Variants in PFKFB3 observed in about 807,000 individuals in gnomAD.
PFKFB3 encodes the protein 6-phosphofructo-2-kinase/fructose-2,6-biphosphatase 3, also known as 6-phosphofructo-2-kinase/fructose-2,6-bisphosphatase 3.
Under a neutral mutation model 68.0 loss-of-function variants are expected in PFKFB3, and 33 were observed. That is an observed-to-expected ratio of 0.49 (90% CI 0.37 to 0.65). The LOEUF (loss-of-function observed/expected upper bound fraction) is 0.65, where lower values mean the gene tolerates loss of function less well. Among genes scored for constraint, PFKFB3 ranks in the 30% least tolerant of loss-of-function variants. The pLI is 0.00. For missense variants in PFKFB3, 586 were observed against 712.2 expected, an observed-to-expected ratio of 0.82 and a Z score of 2.02; for synonymous variants, 315 against 288.2, an observed-to-expected ratio of 1.09 and a Z score of -0.94.
At chr10:6,249,450 C>G (rs1450423152) in intron 14 of PFKFB3, among the ~76,000 whole-genome samples, 1 of 152,064 alleles carries the variant, frequency 6.6e-6, no homozygotes, top group African/African-American at 2.4e-5. Flanking sequence ...CATAAGTGTT[C>G]AGCAACATAT....
At chr10:6,319,647 A>C in the PFKFB3 span, among the ~76,000 whole-genome samples, 4 of 150,450 alleles carry the variant, frequency 2.7e-5, no homozygotes, top group Admixed American at 2.0e-4. Flanking sequence ...AAATAATTGT[A>C]AAAATTATTT....
rs193060088 is a variant in PFKFB3 at position 6,158,616 on chromosome 10, A to G, written c.16+13603A>G. On this transcript the variant is annotated intron_variant, in intron 1 of 14. Transcript: ENST00000379789. Reference sequence around the variant, plus strand: ...TGCGGTAGCTCACGCCTGTAATCCTAGCACTTTGGGAGGCCTAGGCAGGCG... The same window carrying G: ...TGCGGTAGCTCACGCCTGTAATCCTGGCACTTTGGGAGGCCTAGGCAGGCG... Among the ~76,000 whole-genome samples the G allele has an allele frequency of 2.9e-4, 44 of 152,290 alleles. No individual in the cohort carries two copies. In the East Asian group the frequency reaches 5.0e-3, roughly 17 times the overall value.
chr10:6,319,068 A>C, the PFKFB3 span, among the ~76,000 whole-genome samples: 1 of 152,358 alleles, frequency 6.6e-6, no homozygotes, highest in South Asian at 2.1e-4. Context: ...ATATTCTAAA[A>C]GTGCCTTATC....
At chr10:6,166,180 C>G (rs1842133082) in intron 1 of PFKFB3, among the ~76,000 whole-genome samples, 1 of 152,112 alleles carries the variant, frequency 6.6e-6, no homozygotes, top group African/African-American at 2.4e-5. Flanking sequence ...TAGGCTTTCT[C>G]CATGTTGGCC....
intron 1 of PFKFB3, among the ~76,000 whole-genome samples, chr10:6,189,211 G>A (rs1564607786): frequency 6.6e-6 from 1 of 152,124 alleles, no homozygotes; most frequent in Admixed American, 6.5e-5. Context: ...TCCATCTGTC[G>A]ATGGACACTT....
the PFKFB3 span, among the ~76,000 whole-genome samples, chr10:6,301,417 A>G: frequency 3.9e-4 from 60 of 152,310 alleles, no homozygotes; most frequent in African/African-American, 1.4e-3. Context: ...AGATCATTTG[A>G]GATACATCCT....
chr10:6,290,455 G>T, the PFKFB3 span, among the ~76,000 whole-genome samples: 1 of 151,546 alleles, frequency 6.6e-6, no homozygotes. Context: ...TGCATCTATT[G>T]AGATAATCTT....
At chr10:6,311,141 C>CA in the PFKFB3 span, among the ~76,000 whole-genome samples, 3 of 152,218 alleles carry the variant, frequency 2.0e-5, no homozygotes, top group South Asian at 4.1e-4. Context: ...TGTGGTTTCA[C>CA]AGCCTCTCCA....
the PFKFB3 span, among the ~76,000 whole-genome samples, chr10:6,317,891 G>T: frequency 2.6e-5 from 4 of 152,204 alleles, no homozygotes; most frequent in African/African-American, 4.8e-5. Context: ...ATTCTCAGTA[G>T]CCAGTGATTT....
rs35266127 is a variant in PFKFB3 at position 6,165,978 on chromosome 10, C to CTTT, written c.16+20982_16+20984dup. On this transcript the variant is annotated intron_variant, in intron 1 of 14. Coordinates refer to the PFKFB3 transcript ENST00000379789. ...TACAGGCGTGGATCACCAGGCTCAACTTTTTTTTTTTTTTTTTTTGAGACG... is the reference window on the plus strand; with the variant it reads ...TACAGGCGTGGATCACCAGGCTCAACTTTTTTTTTTTTTTTTTTTTTTGAGACG... Among the ~76,000 whole-genome samples the CTTT allele has an allele frequency of 7.2e-5, 9 of 124,886 alleles. 1 individual carries two copies. The highest frequency in any genetic ancestry group is 9.3e-5 in the African/African-American group (3 of 32,160). The allele number at this position is 124,886 out of a possible 152,430, so 81.9% of individuals were successfully genotyped here. A position where few individuals can be genotyped will look rare whatever the true frequency, so the allele number is the denominator to read the frequency against.
At chr10:6,299,743 T>A in the PFKFB3 span, among the ~76,000 whole-genome samples, 1 of 152,188 alleles carries the variant, frequency 6.6e-6, no homozygotes, top group Non-Finnish European at 1.5e-5. Context: ...GCTCCCTGGC[T>A]AACTTCTACC....
the PFKFB3 span, among the ~76,000 whole-genome samples, chr10:6,283,758 G>A: frequency 2.0e-5 from 3 of 152,138 alleles, no homozygotes; most frequent in Admixed American, 6.5e-5. Context: ...TGAACCAATC[G>A]TGCAACCACG....
chr10:6,231,113 G>C (rs1327063757), intron 14 of PFKFB3: 1 of 669,196 alleles, frequency 1.5e-6, no homozygotes, highest in Non-Finnish European at 2.7e-6. Flanking sequence ...GGGCTGTGCC[G>C]GCTGCTTGGG....
upstream of PFKFB3, among the ~76,000 whole-genome samples, chr10:6,199,959 G>A (rs1843281668): frequency 6.6e-6 from 1 of 151,750 alleles, no homozygotes; most frequent in Admixed American, 6.6e-5. Flanking sequence ...CTGGGGTTAG[G>A]GTGGCCCTAT....
At chr10:6,222,688 TGTGGCTGA>T in intron 10 of PFKFB3, 159 bp from the exon 11 acceptor site, 2 of 651,510 alleles carry the variant, frequency 3.1e-6, no homozygotes, top group Non-Finnish European at 4.8e-6. Context: ...TCACTCTTTT[TGTGGCTGA>T]GCAATAGTCC....
At chr10:6,263,999 C>T in the PFKFB3 span, among the ~76,000 whole-genome samples, 5 of 152,274 alleles carry the variant, frequency 3.3e-5, no homozygotes, top group East Asian at 1.9e-4. Context: ...GTTATCTTCT[C>T]GAGAAGCCTT....
chr10:6,158,809 G>T (rs1357720248), intron 1 of PFKFB3, among the ~76,000 whole-genome samples: 2 of 151,890 alleles, frequency 1.3e-5, no homozygotes, highest in Non-Finnish European at 2.9e-5. Context: ...GGAGGCTGCA[G>T]TGAGCTGAAA....
chr10:6,152,739 G>T (rs1316193418), intron 1 of PFKFB3, among the ~76,000 whole-genome samples: 26 of 152,102 alleles, frequency 1.7e-4, no homozygotes. Context: ...AAATTAGCTA[G>T]GTGTGGAGGC....
intron 1 of PFKFB3, among the ~76,000 whole-genome samples, chr10:6,190,796 G>A (rs918958415): frequency 6.6e-5 from 10 of 151,836 alleles, no homozygotes; most frequent in Admixed American, 2.0e-4. Context: ...TATTTATTTC[G>A]GAGATAGGGT....
Sources: gnomAD v4.1 joint callset for allele counts (sites outside exome capture counted in the v4.1 genomes callset) on GRCh38, gnomAD v4.1.1 for gene constraint, MANE v1.5 for transcripts, NCBI Gene and HGNC (gene_info 2026-07-23, HGNC 2026-07-21) for gene names.